Variants in COL9A1 observed in about 807,000 individuals in gnomAD.
The protein encoded by COL9A1 is collagen type IX alpha 1 chain.
Under a neutral mutation model 142.6 loss-of-function variants are expected in COL9A1, and 104 were observed. The observed-to-expected ratio is 0.73, with a 90% CI of 0.62 to 0.86. The LOEUF (loss-of-function observed/expected upper bound fraction) is 0.86, where lower values mean the gene tolerates loss of function less well. Ranked by LOEUF, COL9A1 falls within the 40% of genes least tolerant of loss-of-function variation. COL9A1 has a pLI of 0.00. For synonymous variants in COL9A1, 466 were observed against 396.0 expected (o/e 1.18, Z -2.10); for missense variants, 1,210 against 1,176.6 (o/e 1.03, Z -0.42).
chr6:70,273,916 A>G (rs1772566712), intron 12 of COL9A1, 131 bp downstream of exon 12: 2 of 424,912 alleles, frequency 4.7e-6, no homozygotes, highest in African/African-American at 4.4e-5. Flanking sequence ...AAAACTGCAC[A>G]TGTACCCTAA....
At chr6:70,283,270 A>G in intron 6 of COL9A1, 1 of 1,422,334 alleles carries the variant, frequency 7.0e-7, no homozygotes, top group Non-Finnish European at 9.2e-7. Context: ...GCTAGGGGGC[A>G]GGGGAGGACG....
intron 37 of COL9A1, among the ~76,000 whole-genome samples, chr6:70,223,935 A>C (rs1462263688): frequency 2.6e-5 from 4 of 152,120 alleles, no homozygotes; most frequent in African/African-American, 9.7e-5. Context: ...ATCAGAGCTG[A>C]TGGGGAGAGC....
Position 70,302,049 on chromosome 6 carries a change from A to G in COL9A1, c.40T>C (p.Cys14Arg). ...CWKIPVFFFV[C>R]SFLEPWASAA... ...GATGCCCAGGGTTCCAGGAAACTGC[A>G]CACAAAGAAGAAAACTGGAATTTTC... The change falls in exon 2 of 38, where the codon TGC becomes CGC. Residue 14 changes from cysteine (C) to arginine (R), a missense_variant. Cys to Arg is a radical substitution (Grantham distance 180). Transcript: ENST00000357250. The G allele has an allele frequency of 1.2e-6, 2 of 1,612,026 alleles. No homozygotes were observed. Among genetic ancestry groups the G allele is most frequent in the Non-Finnish European group, 1.7e-6 (2 of 1,179,216 alleles).
rs1772040993 is a variant in COL9A1, at chr6:70,266,713, T to C, written c.1341+4A>G. ...TTTATCCACTAAATACCCATTTTCC[T>C]TACCTTGTGTCCTTGTCTTCCTGGT... On this transcript the variant is annotated splice_donor_region_variant and intron_variant, in intron 18 of 37. Transcript: ENST00000357250. 1.9e-6 allele frequency: 3 copies of C among 1,611,792 alleles called. No homozygotes were observed. Among genetic ancestry groups the C allele is most frequent in the South Asian group, 1.1e-5 (1 of 91,018 alleles).
intron 33 of COL9A1, among the ~76,000 whole-genome samples, chr6:70,238,127 A>T (rs1770028799): frequency 6.6e-6 from 1 of 152,210 alleles, no homozygotes; most frequent in Admixed American, 6.5e-5. Context: ...AGGGATACAC[A>T]GTGGGTTTTA....
At chr6:70,218,854 A>C (rs1283874619) in intron 37 of COL9A1, among the ~76,000 whole-genome samples, 4 of 152,212 alleles carry the variant, frequency 2.6e-5, no homozygotes, top group Non-Finnish European at 5.9e-5. Context: ...TCATAGGGCA[A>C]TATATTAATA....
Position 70,302,973 on chromosome 6 carries a change from G to A in COL9A1, c.-49C>T. ...TGCCAACAGTCCCTATGAAGAAGGG[G>A]TTGGAAGGGAGTCACTGTCCCCTCA... On this transcript the variant is annotated 5_prime_UTR_variant, in exon 1 of 38. Transcript: ENST00000357250. 4 of 1,597,644 alleles carry A rather than the reference G, an allele frequency of 2.5e-6. No individual in the cohort carries two copies. The highest frequency in any genetic ancestry group is 3.4e-6 in the Non-Finnish European group (4 of 1,165,024).
Position 70,255,192 on chromosome 6 carries a change from A to T in COL9A1, c.1569T>A (p.Gly523=), listed in dbSNP as rs150970524. The T allele has an allele frequency of 3.2e-4, 518 of 1,614,190 alleles. 4 individuals are homozygous for T. In the East Asian group the frequency reaches 9.2e-3, roughly 29 times the overall value. Residue 523 remains glycine, a synonymous_variant, in exon 23 of 38, where the codon GGT becomes GGA. Coordinates refer to ENST00000357250, the MANE Select transcript of COL9A1 (RefSeq NM_001851.6). ...CAGGGAGACCAGGAATTCCTCTAGCACCTTCAGCCCCCTGCAGGGAGGAAG... is the reference window on the plus strand; with the variant it reads ...CAGGGAGACCAGGAATTCCTCTAGCTCCTTCAGCCCCCTGCAGGGAGGAAG... ...AGPKGDRGAE[G]ARGIPGLPGP...
At chr6:70,258,764 C>A (rs1202947356) in intron 20 of COL9A1, 1 of 151,716 alleles carries the variant, frequency 6.6e-6, no homozygotes, top group Non-Finnish European at 1.5e-5. Context: ...TTTTTTCTTT[C>A]TTTTTTAAAG....
At chr6:70,264,228 T>A (rs1268434530) in intron 18 of COL9A1, among the ~76,000 whole-genome samples, 1 of 152,016 alleles carries the variant, frequency 6.6e-6, no homozygotes, top group Non-Finnish European at 1.5e-5. Flanking sequence ...TTCCTAAATG[T>A]TTACTCTTCC....
intron 25 of COL9A1, 61 bp downstream of exon 25, chr6:70,254,415 A>T: frequency 6.6e-7 from 1 of 1,514,176 alleles, no homozygotes; most frequent in Non-Finnish European, 9.2e-7. Context: ...TCTCTCCCCA[A>T]AATGTATATC....
intron 20 of COL9A1, among the ~76,000 whole-genome samples, chr6:70,259,099 C>G (rs1301449743): frequency 6.6e-6 from 1 of 151,570 alleles, no homozygotes; most frequent in Non-Finnish European, 1.5e-5. Context: ...GGAAAGCAAG[C>G]AGAATGAAAA....
intron 17 of COL9A1, among the ~76,000 whole-genome samples, chr6:70,267,298 T>A (rs191965228): frequency 6.7e-6 from 1 of 148,458 alleles, no homozygotes; most frequent in African/African-American, 2.4e-5. Flanking sequence ...TCTCTGTACA[T>A]TTTTTGTTGT....
rs1421369706 is a variant in COL9A1, at chr6:70,271,696, T to C, written c.1102A>G (p.Thr368Ala). ...GIPGPPGPPGTAGLPGELGRV... is the reference protein window; with the variant it reads ...GIPGPPGPPGAAGLPGELGRV... ...CCAAGCTCTCCAGGGAGTCCTGCTGTCCCAGGAGGACCCTGAAGTCAACAA... is the reference window on the plus strand; with the variant it reads ...CCAAGCTCTCCAGGGAGTCCTGCTGCCCCAGGAGGACCCTGAAGTCAACAA... Residue 368 changes from threonine (T) to alanine (A), a missense_variant, in exon 14 of 38, where the codon ACA (threonine) becomes GCA (alanine). Thr to Ala is a moderately conservative substitution (Grantham distance 58). Transcript: ENST00000357250. 1.2e-5 allele frequency: 20 copies of C among 1,613,708 alleles called. No individual in the cohort carries two copies. The highest frequency in any genetic ancestry group is 2.7e-5 in the African/African-American group (2 of 74,898).
chr6:70,239,290 A>C lies in COL9A1; in HGVS notation c.2080-4T>G. The C allele has an allele frequency of 6.5e-7, 1 of 1,540,832 alleles. No homozygotes were observed. The highest frequency in any genetic ancestry group is 9.0e-7 in the Non-Finnish European group (1 of 1,113,782). ...GGCCAGGTAATCCTATATCTCCCTA[A>C]ATCAATAAAAGAAATTTATGTTAGA... On this transcript the variant is annotated splice_polypyrimidine_tract_variant and splice_region_variant and intron_variant, in intron 32 of 37. Coordinates refer to ENST00000357250, the MANE Select transcript of COL9A1 (RefSeq NM_001851.6).
rs549742 is a variant in COL9A1, at chr6:70,269,580, G to T, written c.1230+53C>A. On this transcript the variant is annotated intron_variant, in intron 16 of 37. Coordinates refer to ENST00000357250, the MANE Select transcript of COL9A1 (RefSeq NM_001851.6). Reference sequence around the variant, plus strand: ...TCTTTTAAAGAAAACTCATCTGCAGGCTATATGGTCTTTGAATTAAAACTA... The same window carrying T: ...TCTTTTAAAGAAAACTCATCTGCAGTCTATATGGTCTTTGAATTAAAACTA... 6.5e-3 allele frequency: 7,778 copies of T among 1,188,260 alleles called. 355 individuals are homozygous for T. In the African/African-American group the frequency reaches 0.098, roughly 15 times the overall value. The allele number at this position is 1,188,260 out of a possible 1,614,324, so 73.6% of individuals were successfully genotyped here. A position where few individuals can be genotyped will look rare whatever the true frequency, so the allele number is the denominator to read the frequency against.
chr6:70,215,397 A>T (rs1768440950), downstream of COL9A1: 1 of 152,314 alleles, frequency 6.6e-6, no homozygotes, highest in East Asian at 1.9e-4. Flanking sequence ...AATATATATA[A>T]AAAATTATAT....
chr6:70,291,596 T>C (rs890677701), intron 5 of COL9A1, among the ~76,000 whole-genome samples: 1 of 152,156 alleles, frequency 6.6e-6, no homozygotes, highest in Non-Finnish European at 1.5e-5. Context: ...ATTTACATAC[T>C]CAATGAAAGT....
chr6:70,274,486 G>C (rs1020713778), intron 11 of COL9A1, among the ~76,000 whole-genome samples: 3 of 152,076 alleles, frequency 2.0e-5, no homozygotes, highest in Non-Finnish European at 4.4e-5. Context: ...TCCTGCGTTA[G>C]TTTGCTGAAA....
Sources: gnomAD v4.1 joint callset for allele counts (sites outside exome capture counted in the v4.1 genomes callset) on GRCh38, gnomAD v4.1.1 for gene constraint, MANE v1.5 for transcripts, NCBI Gene and HGNC (gene_info 2026-07-23, HGNC 2026-07-21) for gene names.